Variants in RMDN2 observed in about 807,000 individuals in gnomAD.
The protein encoded by RMDN2 is regulator of microtubule dynamics 2.
A neutral mutation model predicts 52.8 loss-of-function variants in RMDN2; 61 were observed. That is an observed-to-expected ratio of 1.16 (90% CI 0.94 to 1.43). The LOEUF (loss-of-function observed/expected upper bound fraction) is 1.43, where lower values mean the gene tolerates loss of function less well. Ranked by LOEUF, RMDN2 falls within the 40% of genes most tolerant of loss-of-function variation. The pLI is 0.00. For synonymous variants in RMDN2, 180 were observed against 153.1 expected, an observed-to-expected ratio of 1.18 and a Z score of -1.30; for missense variants, 592 against 475.3, an observed-to-expected ratio of 1.25 and a Z score of -2.28.
Position 37,989,237 on chromosome 2 carries a change from G to A in RMDN2, c.792-304G>A, listed in dbSNP as rs983496402. 3.9e-5 allele frequency among the ~76,000 whole-genome samples: 6 copies of A among 151,916 alleles called. No homozygotes were observed. In the East Asian group the frequency reaches 5.8e-4, roughly 15 times the overall value. ...CTTTAATATTGATGATGATGATAGC[G>A]GCAGGTAACATTTATTGAAAGTCCT... On this transcript the variant is annotated intron_variant, in intron 5 of 10. Coordinates refer to ENST00000354545, the MANE Select transcript of RMDN2 (RefSeq NM_001170791.3).
intron 4 of RMDN2, among the ~76,000 whole-genome samples, chr2:37,979,453 G>C (rs1047406241): frequency 4.6e-5 from 7 of 152,150 alleles, no homozygotes; most frequent in South Asian, 4.1e-4. Context: ...GAGGGAGGAA[G>C]TGCAGAAGAT....
intron 7 of RMDN2, 31 bp downstream of exon 7, chr2:37,991,328 A>C: frequency 1.1e-6 from 1 of 942,248 alleles, no homozygotes. Context: ...TATAAACTTT[A>C]TTTGAATATA....
intron 10 of RMDN2, among the ~76,000 whole-genome samples, chr2:38,033,598 A>G (rs757543152): frequency 3.3e-5 from 5 of 152,234 alleles, no homozygotes; most frequent in Non-Finnish European, 5.9e-5. Flanking sequence ...CTCCATGTGG[A>G]CACACATTCA....
In RMDN2 at chr2:37,974,123, TA is replaced by T. The variant is rs1353735250; in HGVS notation, c.537del (p.Asp180MetfsTer7). On this transcript the variant is annotated frameshift_variant, in exon 3 of 11. Coordinates refer to ENST00000354545, the MANE Select transcript of RMDN2 (RefSeq NM_001170791.3). LOFTEE classifies it high-confidence loss of function. The stretch of plus-strand genomic sequence containing the variant: ...AACACACGTGTAGAGGAATTAAATT[TA>T]GATGTCCTTCTTCAGAAGGTAGATC... ...AFNTRVEELN[L>X]DVLLQKVDHL... The T allele has an allele frequency of 6.2e-7, 1 of 1,613,288 alleles. No individual in the cohort carries two copies. Among genetic ancestry groups the T allele is most frequent in the Non-Finnish European group, 8.5e-7 (1 of 1,179,288 alleles).
chr2:38,058,578 A>G (rs541132216), intron 10 of RMDN2, among the ~76,000 whole-genome samples: 1 of 152,352 alleles, frequency 6.6e-6, no homozygotes, highest in African/African-American at 2.4e-5. Context: ...CAGAACCCAT[A>G]GAACATAAGG....
chr2:37,952,039 T>C (rs149594141), intron 2 of RMDN2: 7 of 1,613,418 alleles, frequency 4.3e-6, no homozygotes, highest in African/African-American at 2.7e-5. Context: ...AGTGGAACTT[T>C]CCCATTCCTC....
chr2:38,007,706 T>G (rs1677319020), intron 10 of RMDN2, among the ~76,000 whole-genome samples: 1 of 152,216 alleles, frequency 6.6e-6, no homozygotes, highest in African/African-American at 2.4e-5. Context: ...TCTGTTTCCT[T>G]CAGTTCTGCT....
intron 2 of RMDN2, chr2:37,951,631 A>G: frequency 6.2e-7 from 1 of 1,613,486 alleles, no homozygotes; most frequent in South Asian, 1.1e-5. Flanking sequence ...TCCTATTACA[A>G]GAGTGCCATT....
chr2:38,054,716 C>G (rs1312804103), intron 10 of RMDN2, among the ~76,000 whole-genome samples: 3 of 152,172 alleles, frequency 2.0e-5, no homozygotes, highest in Non-Finnish European at 4.4e-5. Flanking sequence ...ATTCTCTTCT[C>G]TCTTCTCTAC....
At chr2:38,058,354 G>T (rs561805512) in intron 10 of RMDN2, among the ~76,000 whole-genome samples, 134 of 152,304 alleles carry the variant, frequency 8.8e-4, no homozygotes, top group Non-Finnish European at 1.6e-3. Flanking sequence ...TTCAAGCTTT[G>T]CCCTGCAGGA....
chr2:37,986,788 T>C (rs1234789793), intron 5 of RMDN2, among the ~76,000 whole-genome samples: 2 of 152,034 alleles, frequency 1.3e-5, no homozygotes, highest in African/African-American at 4.8e-5. Flanking sequence ...CAGCAAACTT[T>C]ATCAAGTTGA....
intron 8 of RMDN2, among the ~76,000 whole-genome samples, chr2:38,003,578 A>AGATAGATAGATAGATAGATG (rs1196326753): frequency 9.2e-5 from 14 of 151,636 alleles, no homozygotes; most frequent in African/African-American, 3.1e-4. Context: ...ATAGATAGAT[A>AGATAGATAGATAGATAGATG]GATAGATAGA....
chr2:37,992,471 A>G (rs543619086), intron 7 of RMDN2, among the ~76,000 whole-genome samples: 11 of 152,296 alleles, frequency 7.2e-5, no homozygotes, highest in Admixed American at 2.0e-4. Context: ...TGCACTGTTG[A>G]GTATACTGTT....
chr2:37,987,239 A>G (rs966881139), intron 5 of RMDN2, among the ~76,000 whole-genome samples: 1 of 151,376 alleles, frequency 6.6e-6, no homozygotes, highest in Non-Finnish European at 1.5e-5. Flanking sequence ...ATATTGAAAT[A>G]CATAGATGAA....
chr2:37,994,411 C>T (rs1029209881), intron 7 of RMDN2, among the ~76,000 whole-genome samples: 7 of 152,154 alleles, frequency 4.6e-5, no homozygotes, highest in African/African-American at 1.7e-4. Flanking sequence ...TGATGTCAGG[C>T]AGTCTTTATA....
rs1184336684 is a variant in RMDN2 at position 37,966,155 on chromosome 2, C to G, written c.453-7885C>G. ...TTGCATTTGTGGCCGGGCGTGGTGG[C>G]TCACGCCTGTAATCCCAGCACTTTG... On this transcript the variant is annotated intron_variant, in intron 2 of 10. Coordinates refer to ENST00000354545, the MANE Select transcript of RMDN2 (RefSeq NM_001170791.3). 5.3e-5 allele frequency among the ~76,000 whole-genome samples: 8 copies of G among 152,124 alleles called. No individual in the cohort carries two copies. The East Asian group carries it at 7.7e-4, about 15-fold the overall frequency.
chr2:38,060,621 C>G lies in RMDN2; in HGVS notation c.1714-6361C>G, dbSNP rs118041699. Among the ~76,000 whole-genome samples, 924 of 152,260 alleles carry G rather than the reference C, an allele frequency of 6.1e-3. 36 individuals carry two copies. The East Asian group carries it at 0.13, about 21-fold the overall frequency. ...AGTGACAGGGGAGGTGCAGGAAAGA[C>G]AAGCTCAGAGCATCCTGGGATTCAC... On this transcript the variant is annotated intron_variant, in intron 10 of 10. Coordinates refer to the RMDN2 transcript ENST00000234195.
chr2:37,941,624 C>G (rs1029952026), intron 2 of RMDN2, among the ~76,000 whole-genome samples: 2 of 152,230 alleles, frequency 1.3e-5, no homozygotes, highest in African/African-American at 4.8e-5. Flanking sequence ...GGCAGTCTGG[C>G]TATAGCTGCT....
At chr2:38,053,668 T>C (rs1681726294) in intron 10 of RMDN2, among the ~76,000 whole-genome samples, 3 of 152,270 alleles carry the variant, frequency 2.0e-5, no homozygotes, top group African/African-American at 7.2e-5. Flanking sequence ...AAATGGTTCA[T>C]ATAAACGTTT....
Sources: gnomAD v4.1 joint callset for allele counts (sites outside exome capture counted in the v4.1 genomes callset) on GRCh38, gnomAD v4.1.1 for gene constraint, MANE v1.5 for transcripts, NCBI Gene and HGNC (gene_info 2026-07-23, HGNC 2026-07-21) for gene names.